RBPJ: variants seen among roughly 807,000 people sequenced by gnomAD.
RBPJ encodes the protein recombination signal binding protein for immunoglobulin kappa J region, also known as recombining binding protein suppressor of hairless.
A neutral mutation model predicts 67.8 loss-of-function variants in RBPJ; 9 were observed. The observed-to-expected ratio is 0.13, with a 90% CI of 0.08 to 0.23. RBPJ has a LOEUF of 0.23. Among genes scored for constraint, RBPJ ranks in the 10% least tolerant of loss-of-function variants. The pLI, the probability that RBPJ is intolerant of heterozygous loss-of-function variation, is 1.00. For missense variants in RBPJ, 305 were observed against 595.6 expected (o/e 0.51, Z 5.08); for synonymous variants, 198 against 203.3 (o/e 0.97, Z 0.22).
intron 1 of RBPJ, among the ~76,000 whole-genome samples, chr4:26,224,784 C>T (rs570705149): frequency 3.7e-4 from 56 of 152,330 alleles, no homozygotes; most frequent in Admixed American, 1.5e-3. Flanking sequence ...GCGAAAACAA[C>T]GCTCAGTAAA....
At chr4:26,143,468 C>T in the RBPJ span, among the ~76,000 whole-genome samples, 1 of 152,232 alleles carries the variant, frequency 6.6e-6, no homozygotes, top group African/African-American at 2.4e-5. Flanking sequence ...AGTGGTTCTT[C>T]CAGCTCCAGT....
At chr4:26,200,351 T>C (rs1003324377) in intron 1 of RBPJ, among the ~76,000 whole-genome samples, 2 of 152,184 alleles carry the variant, frequency 1.3e-5, no homozygotes, top group Non-Finnish European at 2.9e-5. Context: ...GGTCCACAAC[T>C]GGTGGCAGAG....
At chr4:26,418,095 G>T (rs890709394) in intron 4 of RBPJ, among the ~76,000 whole-genome samples, 5 of 152,050 alleles carry the variant, frequency 3.3e-5, no homozygotes, top group African/African-American at 7.3e-5. Flanking sequence ...ATATACTCTT[G>T]GTAACATTTT....
upstream of RBPJ, among the ~76,000 whole-genome samples, chr4:26,316,326 TATATATACATTCATATATACATATTC>T (rs1288525880): frequency 2.7e-5 from 4 of 147,474 alleles, no homozygotes; most frequent in African/African-American, 9.9e-5. Context: ...TACATATTCA[TATATATACATTCATATATACATATTC>T]ATATATACAT....
intron 2 of RBPJ, among the ~76,000 whole-genome samples, chr4:26,394,482 A>C (rs1348490201): frequency 6.6e-6 from 1 of 152,230 alleles, no homozygotes; most frequent in East Asian, 1.9e-4. Context: ...AAAAAAAAAA[A>C]AACCAAATAG....
chr4:26,247,307 G>A (rs1719959718), intron 1 of RBPJ, among the ~76,000 whole-genome samples: 1 of 151,942 alleles, frequency 6.6e-6, no homozygotes, highest in African/African-American at 2.4e-5. Context: ...ATTTGGGTAT[G>A]TGTCTCCATT....
At chr4:26,285,268 A>AC (rs1194800862) in intron 1 of RBPJ, among the ~76,000 whole-genome samples, 3 of 59,386 alleles carry the variant, frequency 5.1e-5, no homozygotes, top group African/African-American at 1.3e-4. Context: ...CTCCGCCCCC[A>AC]CCCCCGCCAC....
At chr4:26,217,698 GA>G (rs1458955972) in intron 1 of RBPJ, among the ~76,000 whole-genome samples, 5 of 151,946 alleles carry the variant, frequency 3.3e-5, no homozygotes, top group Non-Finnish European at 5.9e-5. Context: ...TGCCCAGTTG[GA>G]AAAAAACAAC....
At chr4:26,115,162 C>G in the RBPJ span, among the ~76,000 whole-genome samples, 1 of 152,184 alleles carries the variant, frequency 6.6e-6, no homozygotes, top group South Asian at 2.1e-4. Flanking sequence ...AACCTGCTGT[C>G]AAATATTTAC....
intron 1 of RBPJ, among the ~76,000 whole-genome samples, chr4:26,232,058 A>AT (rs956342605): frequency 1.4e-4 from 21 of 147,096 alleles, no homozygotes; most frequent in East Asian, 6.2e-4. Flanking sequence ...TGCTCGGCCA[A>AT]TTTTTTTTTG....
intron 1 of RBPJ, among the ~76,000 whole-genome samples, chr4:26,214,805 AAAAGAG>A (rs1718597566): frequency 1.7e-5 from 1 of 60,504 alleles, no homozygotes; most frequent in East Asian, 1.2e-3. Flanking sequence ...GAAGGAAGGG[AAAAGAG>A]AGAGAGAGAA....
Position 26,293,420 on chromosome 4 carries a change from G to A in RBPJ, c.-166-69026G>A, listed in dbSNP as rs149838423. On this transcript the variant is annotated intron_variant, in intron 1 of 4. Coordinates refer to the RBPJ transcript ENST00000512351. The stretch of plus-strand genomic sequence containing the variant: ...AGGCTGAGGCAGGAGGATTGCTTGA[G>A]CCCAGGAGTTCAAGGGCAGCCTGGG... Among the ~76,000 whole-genome samples the A allele has an allele frequency of 4.2e-3, 631 of 149,998 alleles. 25 individuals carry two copies. Among genetic ancestry groups the A allele is most frequent in the African/African-American group, 0.015 (603 of 40,804 alleles).
chr4:26,113,563 G>T, the RBPJ span: 1 of 468,744 alleles, frequency 2.1e-6, no homozygotes, highest in South Asian at 2.0e-5. Context: ...CTCACGCAGG[G>T]CAGAAGCCCT....
intron 1 of RBPJ, among the ~76,000 whole-genome samples, chr4:26,367,079 G>A (rs888777961): frequency 6.6e-6 from 1 of 151,708 alleles, no homozygotes; most frequent in Non-Finnish European, 1.5e-5. Context: ...AGCTGAGGTC[G>A]CGCCACTGCA....
intron 1 of RBPJ, among the ~76,000 whole-genome samples, chr4:26,324,862 A>G (rs1297823691): frequency 6.6e-6 from 1 of 152,220 alleles, no homozygotes; most frequent in Non-Finnish European, 1.5e-5. Context: ...TGGTAGTACA[A>G]CATGCTTTCA....
chr4:26,129,343 G>A, the RBPJ span, among the ~76,000 whole-genome samples: 5 of 152,186 alleles, frequency 3.3e-5, no homozygotes. Context: ...CCTTAAATAT[G>A]TGGACCCTAA....
chr4:26,416,072 C>T (rs1734558096), intron 4 of RBPJ, among the ~76,000 whole-genome samples: 1 of 152,122 alleles, frequency 6.6e-6, no homozygotes, highest in Admixed American at 6.5e-5. Context: ...TGGGTTATAA[C>T]GATCATAAAC....
intron 2 of RBPJ, among the ~76,000 whole-genome samples, chr4:26,390,537 GGTA>G (rs1372480051): frequency 5.3e-5 from 8 of 152,274 alleles, no homozygotes; most frequent in African/African-American, 1.9e-4. Context: ...AGTTTAGCAA[GGTA>G]GTAGGATACA....
intron 1 of RBPJ, among the ~76,000 whole-genome samples, chr4:26,181,862 T>C (rs1717010512): frequency 6.6e-6 from 1 of 152,172 alleles, no homozygotes; most frequent in African/African-American, 2.4e-5. Flanking sequence ...TTGCTCTGGG[T>C]GAGTCAGTGA....
Sources: gnomAD v4.1 joint callset for allele counts (sites outside exome capture counted in the v4.1 genomes callset) on GRCh38, gnomAD v4.1.1 for gene constraint, MANE v1.5 for transcripts, NCBI Gene and HGNC (gene_info 2026-07-23, HGNC 2026-07-21) for gene names.